Variants in NRG3 observed in about 807,000 individuals in gnomAD.
NRG3 encodes the protein neuregulin 3, also known as pro-neuregulin-3, membrane-bound isoform.
NRG3 carries 31 observed loss-of-function variants against 66.9 expected under a neutral mutation model. That is an observed-to-expected ratio of 0.46 (90% CI 0.35 to 0.63). The LOEUF (loss-of-function observed/expected upper bound fraction) is 0.63. Among genes scored for constraint, NRG3 ranks in the 20% least tolerant of loss-of-function variants. The pLI is 0.00. For missense variants in NRG3, 910 were observed against 878.9 expected (o/e 1.04, Z -0.45); for synonymous variants, 393 against 359.4 (o/e 1.09, Z -1.06).
At chr10:82,679,691 A>C (rs1189027650) in intron 2 of NRG3, among the ~76,000 whole-genome samples, 1 of 152,168 alleles carries the variant, frequency 6.6e-6, no homozygotes, top group Admixed American at 6.5e-5. Flanking sequence ...CCCAAGTGAC[A>C]TATCTCAATC....
chr10:82,630,832 C>A, intron 2 of NRG3, among the ~76,000 whole-genome samples: 1 of 152,080 alleles, frequency 6.6e-6, no homozygotes, highest in Non-Finnish European at 1.5e-5. Context: ...TTAACTTATT[C>A]TATCTTCTGA....
chr10:81,923,313 C>T (rs1046107961), intron 1 of NRG3, among the ~76,000 whole-genome samples: 6 of 151,954 alleles, frequency 3.9e-5, no homozygotes, highest in African/African-American at 1.5e-4. Flanking sequence ...TCACGCCATT[C>T]TCCTGCCTCA....
At chr10:82,161,580 A>G (rs528935110) in intron 1 of NRG3, among the ~76,000 whole-genome samples, 2 of 152,232 alleles carry the variant, frequency 1.3e-5, no homozygotes, top group East Asian at 3.9e-4. Flanking sequence ...CTCTGAAAGG[A>G]TAAGTGAATT....
At chr10:82,815,776 C>T (rs975192607) in intron 3 of NRG3, among the ~76,000 whole-genome samples, 3 of 152,132 alleles carry the variant, frequency 2.0e-5, no homozygotes, top group Non-Finnish European at 4.4e-5. Context: ...AGGCTGCACT[C>T]GGCTCATGCT....
chr10:82,298,650 C>G (rs2134725437), intron 1 of NRG3, among the ~76,000 whole-genome samples: 1 of 152,036 alleles, frequency 6.6e-6, no homozygotes, highest in Non-Finnish European at 1.5e-5. Context: ...AAAAAAAAAC[C>G]TTACCTCTTG....
Position 82,053,605 on chromosome 10 carries a change from G to A in NRG3, c.823+177442G>A, listed in dbSNP as rs573986431. 2.2e-4 allele frequency among the ~76,000 whole-genome samples: 33 copies of A among 152,210 alleles called. No individual in the cohort carries two copies. In the South Asian group the frequency reaches 4.1e-3, roughly 19 times the overall value. ...CCTAGCATCATCTCTACAACTTTCA[G>A]GAGAGCATGAGTTTTTAATGGACAA... On this transcript the variant is annotated intron_variant, in intron 1 of 8. Coordinates refer to ENST00000372141, the MANE Select transcript of NRG3 (RefSeq NM_001010848.4).
chr10:82,034,857 C>T (rs751576222), intron 1 of NRG3, among the ~76,000 whole-genome samples: 5 of 152,018 alleles, frequency 3.3e-5, no homozygotes, highest in Non-Finnish European at 7.4e-5. Flanking sequence ...CCCCAGAGCA[C>T]CTCCTACGGT....
intron 3 of NRG3, among the ~76,000 whole-genome samples, chr10:82,802,071 T>G (rs2061064581): frequency 6.6e-6 from 1 of 152,188 alleles, no homozygotes; most frequent in South Asian, 2.1e-4. Flanking sequence ...AAAACAGCAG[T>G]CATCTAGGTA....
intron 1 of NRG3, among the ~76,000 whole-genome samples, chr10:82,184,453 A>G (rs1023161116): frequency 6.6e-6 from 1 of 152,172 alleles, no homozygotes; most frequent in Non-Finnish European, 1.5e-5. Flanking sequence ...CACTGGCAAT[A>G]TCTGCCCTGA....
intron 3 of NRG3, among the ~76,000 whole-genome samples, chr10:82,841,040 T>A (rs1424711980): frequency 6.6e-6 from 1 of 152,156 alleles, no homozygotes; most frequent in Non-Finnish European, 1.5e-5. Flanking sequence ...ATCCAATGCC[T>A]GATATCTTCA....
intron 1 of NRG3, among the ~76,000 whole-genome samples, chr10:81,966,522 G>A (rs2133330453): frequency 6.6e-6 from 1 of 151,830 alleles, no homozygotes. Flanking sequence ...TGTTGCCCAG[G>A]CTGGTCTTGA....
intron 1 of NRG3, among the ~76,000 whole-genome samples, chr10:82,004,040 C>A (rs998894603): frequency 6.7e-6 from 1 of 148,674 alleles, no homozygotes; most frequent in Admixed American, 6.7e-5. Flanking sequence ...CACACAGATA[C>A]CTTAGAGCAG....
chr10:82,199,856 G>C (rs1388372626), intron 1 of NRG3, among the ~76,000 whole-genome samples: 1 of 146,532 alleles, frequency 6.8e-6, no homozygotes, highest in African/African-American at 2.5e-5. Context: ...CCCGCTATCT[G>C]TGTTATTGAG....
Position 82,787,122 on chromosome 10 carries a change from CTTGTA to C in NRG3, c.1027+48477_1027+48481del, listed in dbSNP as rs375132012. On this transcript the variant is annotated intron_variant, in intron 3 of 8. Transcript: ENST00000372141. ...ATGCACACACACCTATGACCTATGT[CTTGTA>C]TTGTTTCTTATGCTTCTGCATTCAT... Among the ~76,000 whole-genome samples, 358 of 152,314 alleles carry C rather than the reference CTTGTA, an allele frequency of 2.4e-3. 3 individuals carry two copies. The highest frequency in any genetic ancestry group is 8.2e-3 in the African/African-American group (341 of 41,570).
chr10:82,625,358 A>G (rs971476129), intron 2 of NRG3, among the ~76,000 whole-genome samples: 1 of 152,048 alleles, frequency 6.6e-6, no homozygotes, highest in Admixed American at 6.6e-5. Flanking sequence ...TAATGCTTCT[A>G]TTATCCAGAA....
At chr10:82,281,044 T>C (rs949170969) in intron 1 of NRG3, among the ~76,000 whole-genome samples, 4 of 152,202 alleles carry the variant, frequency 2.6e-5, no homozygotes. Flanking sequence ...ATGGCCCTTG[T>C]ACAGAAATTT....
chr10:82,491,588 T>TATCTA (rs1843151668), intron 2 of NRG3, among the ~76,000 whole-genome samples: 1 of 152,096 alleles, frequency 6.6e-6, no homozygotes, highest in Admixed American at 6.6e-5. Context: ...TAATCTGAAG[T>TATCTA]ATCTGAGGGT....
At chr10:82,710,763 T>C (rs988941851) in intron 2 of NRG3, among the ~76,000 whole-genome samples, 1 of 151,986 alleles carries the variant, frequency 6.6e-6, no homozygotes, top group Non-Finnish European at 1.5e-5. Flanking sequence ...TGTTTCTTCC[T>C]TGGCTGTTTA....
rs200108275 is a variant in NRG3, at chr10:81,924,708, C to A, written c.823+48545C>A. On this transcript the variant is annotated intron_variant, in intron 1 of 8. Coordinates refer to ENST00000372141, the MANE Select transcript of NRG3 (RefSeq NM_001010848.4). ...TAATTTCGTTAGCCAAAGTTTTAGG[C>A]CTTTTGTCCAGTGTGCTCATTTGCT... Among the ~76,000 whole-genome samples the A allele has an allele frequency of 1.1e-4, 17 of 152,260 alleles. No homozygotes were observed. The East Asian group carries it at 1.7e-3, about 16-fold the overall frequency.
Sources: gnomAD v4.1 joint callset for allele counts (sites outside exome capture counted in the v4.1 genomes callset) on GRCh38, gnomAD v4.1.1 for gene constraint, MANE v1.5 for transcripts, NCBI Gene and HGNC (gene_info 2026-07-23, HGNC 2026-07-21) for gene names.